The following SRCAP variants were observed in gnomAD, a reference collection of about 807,000 sequenced individuals.
The protein encoded by SRCAP is Snf2 related CREBBP activator protein.
A neutral mutation model predicts 263.1 loss-of-function variants in SRCAP; 46 were observed. That is an observed-to-expected ratio of 0.17 (90% CI 0.14 to 0.22). The LOEUF (loss-of-function observed/expected upper bound fraction) is 0.22, where lower values mean the gene tolerates loss of function less well. SRCAP is among the 10% of genes least tolerant of loss of function. The probability of loss-of-function intolerance (pLI) is 1.00; values close to 1 mark genes in which losing one functional copy is unlikely to be tolerated. For synonymous variants in SRCAP, 1,813 were observed against 1,662.1 expected, an observed-to-expected ratio of 1.09 and a Z score of -2.21; for missense variants, 3,695 against 4,181.9, an observed-to-expected ratio of 0.88 and a Z score of 3.21.
In SRCAP at chr16:30,739,495, C is replaced by T. The variant is rs201223119; in HGVS notation, c.9455C>T (p.Ala3152Val). ...CCAGTTGGTGGGAGTCCTGGGCTGGCAAAGCGGGGCCGCCTACAGCCCCCA... is the reference window on the plus strand; with the variant it reads ...CCAGTTGGTGGGAGTCCTGGGCTGGTAAAGCGGGGCCGCCTACAGCCCCCA... The part of the protein sequence containing the change: ...GAPVGGSPGL[A>V]KRGRLQPPSP... The change falls in exon 34 of 34, where the codon GCA becomes GTA. Residue 3152 changes from alanine to valine, a missense_variant. Physicochemically the swap from Ala to Val is moderately conservative, Grantham distance 64 (BLOSUM62 0). Transcript: ENST00000262518. 3.1e-6 allele frequency: 5 copies of T among 1,613,590 alleles called. No individual in the cohort carries two copies. The East Asian group carries it at 1.1e-4, about 36-fold the overall frequency.
In SRCAP at chr16:30,712,294, C is replaced by T. The variant is rs2052900565; in HGVS notation, c.1848C>T (p.Gly616=). The T allele has an allele frequency of 1.2e-6, 2 of 1,602,056 alleles. No homozygotes were observed. The highest frequency in any genetic ancestry group is 4.5e-5 in the East Asian group (2 of 44,758). The change falls in exon 13 of 34, where the codon GGC becomes GGT. Residue 616 remains glycine (G), a synonymous_variant. Transcript: ENST00000262518. Reference sequence around the variant, plus strand: ...CGCCCATTCCCCTGCTTCTGCGGGGCCAGCTCCGGGAGTACCAGCACATTG... The same window carrying T: ...CGCCCATTCCCCTGCTTCTGCGGGGTCAGCTCCGGGAGTACCAGCACATTG... ...VKTPIPLLLR[G]QLREYQHIGL...
At position 30,720,809 on chromosome 16, in the gene SRCAP, A is replaced by G. The variant is rs757987933; in HGVS notation, c.3084A>G (p.Pro1028=). 3 of 1,614,142 alleles carry G rather than the reference A, an allele frequency of 1.9e-6. No individual in the cohort carries two copies. The highest frequency in any genetic ancestry group is 1.7e-6 in the Non-Finnish European group (2 of 1,180,018). ...GCCCTGTCCCAGTTCGACCTCCTCC[A>G]GGTCCTGAGCTCTCAGCCCAGCCCA... The part of the protein sequence containing the change: ...PLGPVPVRPP[P]GPELSAQPTP... The change falls in exon 20 of 34, where the codon CCA becomes CCG. Residue 1028 remains proline, a synonymous_variant. Coordinates refer to ENST00000262518, the MANE Select transcript of SRCAP (RefSeq NM_006662.3).
Position 30,737,710 on chromosome 16 carries a change from C to T in SRCAP, c.7670C>T (p.Ala2557Val). 1 of 1,614,236 alleles carries T rather than the reference C, an allele frequency of 6.2e-7. No individual in the cohort carries two copies. Among genetic ancestry groups the T allele is most frequent in the Non-Finnish European group, 8.5e-7 (1 of 1,180,052 alleles). ...LRPEAELCAQ[A>V]LASPESLELA... is the part of the protein sequence containing the mutation. Reference sequence around the variant, plus strand: ...CCTGAGGCAGAGCTGTGTGCCCAGGCATTGGCATCTCCAGAGTCCCTGGAG... The same window carrying T: ...CCTGAGGCAGAGCTGTGTGCCCAGGTATTGGCATCTCCAGAGTCCCTGGAG... The change falls in exon 34 of 34, where the codon GCA (alanine) becomes GTA (valine). Residue 2557 changes from alanine to valine, a missense_variant. By Grantham distance (64) the Ala-to-Val change is moderately conservative. This residue lies in a region of SRCAP where 1,207 missense variants were observed against 1,142.9 expected (regional missense o/e 1.06). Transcript: ENST00000262518.
chr16:30,702,838 A>G (rs1023344103), intron 3 of SRCAP, among the ~76,000 whole-genome samples: 3 of 151,110 alleles, frequency 2.0e-5, no homozygotes, highest in Admixed American at 2.0e-4. Flanking sequence ...ACTCCTGACC[A>G]TGTGATCCGC....
chr16:30,724,658 C>T lies in SRCAP; in HGVS notation c.5234C>T (p.Thr1745Met), dbSNP rs772506621. ...APGPPLGPTQTLSLAPAPPLA... is the reference protein window; with the variant it reads ...APGPPLGPTQMLSLAPAPPLA... ...GGACCACCACTGGGTCCAACTCAGA[C>T]GCTGTCTCTGGCTCCAGCACCCCCT... is the stretch of plus-strand genomic sequence containing the variant. Residue 1745 changes from threonine (T) to methionine (M), a missense_variant, in exon 25 of 34, where the codon ACG becomes ATG. By Grantham distance (81) the Thr-to-Met change is moderately conservative. This residue lies in a region of SRCAP where 1,347 missense variants were observed against 1,304.4 expected (regional missense o/e 1.03). Transcript: ENST00000262518. 1.9e-5 allele frequency: 31 copies of T among 1,614,076 alleles called. No homozygotes were observed. The highest frequency in any genetic ancestry group is 3.3e-5 in the Admixed American group (2 of 60,012).
Position 30,720,846 on chromosome 16 carries a change from G to A in SRCAP, c.3121G>A (p.Val1041Ile), listed in dbSNP as rs1337035890. ...CTCAGCCCAGCCCACCCCTGGCCCA[G>A]TCCCCCAAGTGCTGCCAGCATCACT... ...ELSAQPTPGP[V>I]PQVLPASLMV... The change falls in exon 20 of 34, where the codon GTC (valine) becomes ATC (isoleucine). Residue 1041 changes from valine (V) to isoleucine (I), a missense_variant. Physicochemically the swap from Val to Ile is conservative, Grantham distance 29 (BLOSUM62 3). Around this residue, in one of 12 missense-constraint regions of SRCAP, gnomAD observed 1,347 missense variants for 1,304.4 expected, o/e 1.03. Coordinates refer to ENST00000262518, the MANE Select transcript of SRCAP (RefSeq NM_006662.3). 3.1e-6 allele frequency: 5 copies of A among 1,613,812 alleles called. No individual in the cohort carries two copies. The East Asian group carries it at 8.9e-5, about 29-fold the overall frequency.
In SRCAP at chr16:30,722,155, C is replaced by T; in HGVS notation, c.3575C>T (p.Ser1192Leu). ...GEVVSIGQLA[S>L]LAQRPVANAG... ...GTGGTCAGCATCGGGCAGTTAGCCTCACTGGCACAACGTCCAGTGGCTAAT... is the reference window on the plus strand; with the variant it reads ...GTGGTCAGCATCGGGCAGTTAGCCTTACTGGCACAACGTCCAGTGGCTAAT... Residue 1192 changes from serine (S) to leucine (L), a missense_variant, in exon 22 of 34, where the codon TCA (serine) becomes TTA (leucine). Transcript: ENST00000262518. The T allele has an allele frequency of 2.5e-6, 4 of 1,614,184 alleles. No homozygotes were observed. The highest frequency in any genetic ancestry group is 3.4e-6 in the Non-Finnish European group (4 of 1,180,030).
intron 4 of SRCAP, among the ~76,000 whole-genome samples, chr16:30,704,725 G>A (rs1297739556): frequency 2.0e-5 from 3 of 151,920 alleles, no homozygotes; most frequent in Admixed American, 1.3e-4. Flanking sequence ...TGTAGCAGTC[G>A]CAGCCACCCA....
chr16:30,729,611 T>C (rs758943843), intron 27 of SRCAP, 39 bp downstream of exon 27: 1 of 1,608,420 alleles, frequency 6.2e-7, no homozygotes, highest in Admixed American at 1.7e-5. Context: ...TGACTTCTCT[T>C]CTTTTCTTAG....
chr16:30,706,264 G>A (rs1002897238), intron 4 of SRCAP, among the ~76,000 whole-genome samples: 2 of 152,144 alleles, frequency 1.3e-5, no homozygotes, highest in African/African-American at 4.8e-5. Context: ...TTCCAGACCA[G>A]CCTTGACATT....
rs936437488 is a variant in SRCAP at position 30,722,591 on chromosome 16, G to C, written c.3735G>C (p.Gly1245=). Residue 1245 remains glycine (G), a synonymous_variant, in exon 23 of 34, where the codon GGG becomes GGC. Coordinates refer to ENST00000262518, the MANE Select transcript of SRCAP (RefSeq NM_006662.3). ...ATGTGGTGCACCTCGTGTCAGCAGGGGGGCAGCACCATCTCATCAGCCAGC... is the reference window on the plus strand; with the variant it reads ...ATGTGGTGCACCTCGTGTCAGCAGGCGGGCAGCACCATCTCATCAGCCAGC... ...QRNVVHLVSA[G]GQHHLISQPA... 6.2e-7 allele frequency: 1 copy of C among 1,614,050 alleles called. No individual in the cohort carries two copies.
chr16:30,724,266 A>G lies in SRCAP; in HGVS notation c.4842A>G (p.Pro1614=). 1 of 1,614,042 alleles carries G rather than the reference A, an allele frequency of 6.2e-7. No individual in the cohort carries two copies. The highest frequency in any genetic ancestry group is 8.5e-7 in the Non-Finnish European group (1 of 1,179,994). The change falls in exon 25 of 34, where the codon CCA becomes CCG. Residue 1614 remains proline, a synonymous_variant. Coordinates refer to ENST00000262518, the MANE Select transcript of SRCAP (RefSeq NM_006662.3). ...TGGCTCCTCTTCCGGTCCTGGCACCATCGCCAGGTGCTGCTCCTGTCCTGG... is the reference window on the plus strand; with the variant it reads ...TGGCTCCTCTTCCGGTCCTGGCACCGTCGCCAGGTGCTGCTCCTGTCCTGG... The part of the protein sequence containing the change: ...PPLAPLPVLA[P]SPGAAPVLAS...
rs2052871423 is a variant in SRCAP, at chr16:30,710,115, C to T, written c.1121C>T (p.Pro374Leu). ...GPEEGAEEEP[P>L]QVLEIKPPPS... ...GAAGAAGGTGCTGAAGAAGAGCCCC[C>T]TCAGGTGTTGGAGGTATAGGCAGAA... is the stretch of plus-strand genomic sequence containing the variant. The change falls in exon 8 of 34, where the codon CCT becomes CTT. Residue 374 changes from proline (P) to leucine (L), a missense_variant. Pro to Leu is a moderately conservative substitution (Grantham distance 98, BLOSUM62 -3). Transcript: ENST00000262518. 1.9e-6 allele frequency: 3 copies of T among 1,613,566 alleles called. No individual in the cohort carries two copies. The highest frequency in any genetic ancestry group is 2.2e-5 in the South Asian group (2 of 91,064).
At chr16:30,713,764 T>G in intron 16 of SRCAP, 53 bp downstream of exon 16, 1 of 1,549,652 alleles carries the variant, frequency 6.5e-7, no homozygotes, top group Non-Finnish European at 8.8e-7. Context: ...GAACCATTCC[T>G]GAGCACCTGG....
rs1296651333 is a variant in SRCAP at position 30,734,674 on chromosome 16, T to C, written c.6729+59T>C. ...CTGATTCTTACAGAATATCTTGTCT[T>C]TTGTTAGTCTGTTGAGCTTGTCCAG... On this transcript the variant is annotated intron_variant, in intron 31 of 33. Transcript: ENST00000262518. The C allele has an allele frequency of 2.5e-6, 4 of 1,609,476 alleles. No homozygotes were observed. In the African/African-American group the frequency reaches 5.3e-5, roughly 22 times the overall value.
Position 30,724,392 on chromosome 16 carries a change from T to C in SRCAP, c.4968T>C (p.Ala1656=). 1.9e-6 allele frequency: 3 copies of C among 1,614,126 alleles called. No individual in the cohort carries two copies. Among genetic ancestry groups the C allele is most frequent in the Non-Finnish European group, 2.5e-6 (3 of 1,180,026 alleles). Residue 1656 remains alanine (A), a synonymous_variant, in exon 25 of 34, where the codon GCT becomes GCC. Transcript: ENST00000262518. ...TACCAGCTCCAACCCCTGTGTTGGC[T>C]CCATCATCAACTCAAACTATGCTAC... ...SPVPAPTPVL[A]PSSTQTMLPA...
rs775429979 is a variant in SRCAP, at chr16:30,716,095, T to C, written c.2523T>C (p.Val841=). ...TGAGGCCTTTTTTACTGCGCCGAGTTAAGGTGGATGTTGAGAAGCAGATGC... is the reference window on the plus strand; with the variant it reads ...TGAGGCCTTTTTTACTGCGCCGAGTCAAGGTGGATGTTGAGAAGCAGATGC... The part of the protein sequence containing the change: ...KVLRPFLLRR[V]KVDVEKQMPK... The change falls in exon 17 of 34, where the codon GTT becomes GTC. Residue 841 remains valine, a synonymous_variant. Transcript: ENST00000262518. 3 of 1,614,026 alleles carry C rather than the reference T, an allele frequency of 1.9e-6. No homozygotes were observed. The African/African-American group carries it at 4.0e-5, about 22-fold the overall frequency.
chr16:30,739,013 C>T lies in SRCAP; in HGVS notation c.8973C>T (p.Asn2991=). The T allele has an allele frequency of 5.6e-6, 9 of 1,613,754 alleles. No homozygotes were observed. In the Middle Eastern group the frequency reaches 5.0e-4, roughly 89 times the overall value. ...TTTGTCCCACTGCTACTGTTGCCAA[C>T]ACTGTCACCACTGTCACCATTTCAA... ...LLVCPTATVA[N]TVTTVTISTS... Residue 2991 remains asparagine, a synonymous_variant, in exon 34 of 34, where the codon AAC becomes AAT. Coordinates refer to ENST00000262518, the MANE Select transcript of SRCAP (RefSeq NM_006662.3).
rs2052746488 is a variant in SRCAP at position 30,699,892 on chromosome 16, T to C, written c.-283-16T>C. 6.6e-6 allele frequency: 1 copy of C among 152,224 alleles called. No individual in the cohort carries two copies. The highest frequency in any genetic ancestry group is 6.5e-5 in the Admixed American group (1 of 15,282). 9.4% of individuals were successfully genotyped at this position (152,224 alleles called of 1,614,324 possible). A position where few individuals can be genotyped will look rare whatever the true frequency, so the allele number is the denominator to read the frequency against. ...AAAAAACTGGAGTAAATAATACGCT[T>C]TGATGGATGTTTCAGGTGTGATTCC... On this transcript the variant is annotated splice_polypyrimidine_tract_variant and intron_variant, in intron 1 of 33. Transcript: ENST00000262518.
Sources: gnomAD v4.1 joint callset for allele counts (sites outside exome capture counted in the v4.1 genomes callset) on GRCh38, gnomAD v4.1.1 for gene constraint, gnomAD v4.1.1 regional missense constraint, MANE v1.5 for transcripts, NCBI Gene and HGNC (gene_info 2026-07-23, HGNC 2026-07-21) for gene names.